The following TENM3 variants were observed in gnomAD, a reference collection of about 807,000 sequenced individuals.
The protein encoded by TENM3 is teneurin-3.
Under a neutral mutation model 255.1 loss-of-function variants are expected in TENM3, and 63 were observed. The ratio of observed to expected loss-of-function variants is 0.25; its 90% CI spans 0.20 to 0.30. The LOEUF is 0.30. Ranked by LOEUF, TENM3 falls within the 10% of genes least tolerant of loss-of-function variation. TENM3 has a pLI of 1.00. For synonymous variants in TENM3, 1,306 were observed against 1,322.3 expected (o/e 0.99, Z 0.27); for missense variants, 2,929 against 3,461.1 (o/e 0.85, Z 3.86).
At chr4:182,627,025 G>A (rs1374286363) in intron 4 of TENM3, among the ~76,000 whole-genome samples, 1 of 152,122 alleles carries the variant, frequency 6.6e-6, no homozygotes, top group Non-Finnish European at 1.5e-5. Flanking sequence ...CTACCGACCT[G>A]TATTAGGCCA....
chr4:182,343,123 T>G (rs144420564), intron 2 of TENM3, among the ~76,000 whole-genome samples: 1 of 152,200 alleles, frequency 6.6e-6, no homozygotes, highest in Non-Finnish European at 1.5e-5. Context: ...GTTGTGTTTA[T>G]TCAGTTTTCC....
At chr4:181,776,684 A>AT in the TENM3 span, among the ~76,000 whole-genome samples, 1 of 152,088 alleles carries the variant, frequency 6.6e-6, no homozygotes, top group Non-Finnish European at 1.5e-5. Context: ...GATATCAAGC[A>AT]TTTTTTCATG....
chr4:182,285,913 C>T (rs1669728249), intron 1 of TENM3, among the ~76,000 whole-genome samples: 1 of 152,132 alleles, frequency 6.6e-6, no homozygotes, highest in African/African-American at 2.4e-5. Context: ...ATAATAATTA[C>T]AATCGATTAA....
At chr4:182,517,562 T>G (rs1378348917) in intron 3 of TENM3, among the ~76,000 whole-genome samples, 1 of 146,554 alleles carries the variant, frequency 6.8e-6, no homozygotes, top group African/African-American at 2.5e-5. Context: ...TTTTTGTATT[T>G]TTAGTAGAGA....
chr4:181,676,014 A>G, the TENM3 span, among the ~76,000 whole-genome samples: 9 of 152,138 alleles, frequency 5.9e-5, no homozygotes, highest in Admixed American at 5.9e-4. Flanking sequence ...CTCATTTTCA[A>G]TATGTTGTCC....
the TENM3 span, among the ~76,000 whole-genome samples, chr4:181,676,234 G>C: frequency 5.3e-5 from 8 of 151,962 alleles, no homozygotes; most frequent in African/African-American, 1.9e-4. Flanking sequence ...TGTTGATATT[G>C]GATTTATATA....
chr4:182,118,081 A>G, the TENM3 span, among the ~76,000 whole-genome samples: 1 of 152,134 alleles, frequency 6.6e-6, no homozygotes, highest in African/African-American at 2.4e-5. Flanking sequence ...AAAGTGATCA[A>G]TTTTTGCATA....
intron 3 of TENM3, among the ~76,000 whole-genome samples, chr4:182,517,542 C>A (rs1738116801): frequency 6.8e-6 from 1 of 146,714 alleles, no homozygotes; most frequent in Non-Finnish European, 1.5e-5. Flanking sequence ...CGCTACCACG[C>A]CCGGCTAATT....
At chr4:181,699,242 G>A in the TENM3 span, among the ~76,000 whole-genome samples, 1 of 151,644 alleles carries the variant, frequency 6.6e-6, no homozygotes, top group Admixed American at 6.6e-5. Flanking sequence ...GCCAGCCTGG[G>A]CAACATAGCA....
chr4:182,264,837 C>G (rs1159734070), intron 1 of TENM3, among the ~76,000 whole-genome samples: 1 of 152,082 alleles, frequency 6.6e-6, no homozygotes, highest in African/African-American at 2.4e-5. Flanking sequence ...GGTTAAAAGT[C>G]AGCTTAATTA....
At chr4:181,473,545 A>T in the TENM3 span, among the ~76,000 whole-genome samples, 1 of 151,844 alleles carries the variant, frequency 6.6e-6, no homozygotes, top group African/African-American at 2.4e-5. Context: ...TGAGCTAATG[A>T]TTGTCCCCTA....
the TENM3 span, among the ~76,000 whole-genome samples, chr4:181,549,706 A>G: frequency 1.2e-4 from 19 of 152,228 alleles, no homozygotes; most frequent in Admixed American, 1.0e-3. Flanking sequence ...AGTGATCCCC[A>G]TTTCCTCCAC....
intron 3 of TENM3, among the ~76,000 whole-genome samples, chr4:182,561,628 G>A (rs1342012537): frequency 3.3e-5 from 5 of 151,872 alleles, no homozygotes; most frequent in African/African-American, 1.2e-4. Context: ...AAGACTTTTT[G>A]TCAGTACCTG....
At chr4:182,415,856 C>G (rs1770321752) in intron 3 of TENM3, among the ~76,000 whole-genome samples, 1 of 151,952 alleles carries the variant, frequency 6.6e-6, no homozygotes, top group African/African-American at 2.4e-5. Context: ...TTGTTTACAC[C>G]ATATAGAGTG....
At chr4:181,560,033 C>T in the TENM3 span, among the ~76,000 whole-genome samples, 1 of 152,086 alleles carries the variant, frequency 6.6e-6, no homozygotes, top group African/African-American at 2.4e-5. Context: ...ATTTTAATGA[C>T]TTGTCTTAGT....
chr4:182,599,608 G>C (rs1221861513), intron 3 of TENM3, among the ~76,000 whole-genome samples: 1 of 152,068 alleles, frequency 6.6e-6, no homozygotes, highest in Non-Finnish European at 1.5e-5. Context: ...ATTGTACCCT[G>C]TAAAGAGGTT....
chr4:181,649,242 C>A, the TENM3 span, among the ~76,000 whole-genome samples: 1 of 152,166 alleles, frequency 6.6e-6, no homozygotes, highest in African/African-American at 2.4e-5. Context: ...ATTGCCAGAG[C>A]GGAGCCTCTT....
chr4:181,499,417 A>G, the TENM3 span, among the ~76,000 whole-genome samples: 2 of 152,260 alleles, frequency 1.3e-5, no homozygotes, highest in Non-Finnish European at 2.9e-5. Flanking sequence ...GGGAAGGGTT[A>G]CAACAGAGAT....
At chr4:181,601,864 A>G in the TENM3 span, among the ~76,000 whole-genome samples, 1 of 152,112 alleles carries the variant, frequency 6.6e-6, no homozygotes, top group African/African-American at 2.4e-5. Flanking sequence ...GACATGAATC[A>G]GTCCATAACA....
Sources: allele counts gnomAD v4.1 joint callset (sites outside exome capture counted in the v4.1 genomes callset), GRCh38; gene constraint gnomAD v4.1.1; transcripts MANE v1.5; gene names NCBI Gene and HGNC (gene_info 2026-07-23, HGNC 2026-07-21).